Variants in PREP observed in about 807,000 individuals in gnomAD.
The protein encoded by PREP is dJ355L5.1 (prolyl endopeptidase).
A neutral mutation model predicts 87.6 loss-of-function variants in PREP; 29 were observed. That is an observed-to-expected ratio of 0.33 (90% CI 0.25 to 0.45). PREP has a LOEUF of 0.45. PREP is among the 20% of genes least tolerant of loss of function. PREP has a pLI of 1.00. For missense variants in PREP, 695 were observed against 886.5 expected (o/e 0.78, Z 2.74); for synonymous variants, 337 against 328.6 (o/e 1.03, Z -0.28).
At chr6:105,364,434 G>A (rs748919887) in intron 6 of PREP, among the ~76,000 whole-genome samples, 5 of 152,234 alleles carry the variant, frequency 3.3e-5, no homozygotes, top group East Asian at 3.8e-4. Context: ...GATGAGTCAC[G>A]AGGAGACAGC....
At chr6:105,389,733 T>A (rs1367329941) in intron 2 of PREP, among the ~76,000 whole-genome samples, 4 of 152,074 alleles carry the variant, frequency 2.6e-5, no homozygotes, top group African/African-American at 9.7e-5. Flanking sequence ...CTTGCCTAGC[T>A]CAGCACCAGT....
intron 5 of PREP, among the ~76,000 whole-genome samples, chr6:105,371,475 T>C (rs1356527995): frequency 1.8e-5 from 2 of 114,110 alleles, no homozygotes; most frequent in Non-Finnish European, 3.2e-5. Context: ...CACTCCAGCC[T>C]GGGTGACACA....
intron 2 of PREP, among the ~76,000 whole-genome samples, chr6:105,377,859 T>G (rs1184144595): frequency 6.6e-6 from 1 of 152,180 alleles, no homozygotes; most frequent in Non-Finnish European, 1.5e-5. Context: ...TTGGAGTGGT[T>G]AAAAAGTTGC....
At chr6:105,311,424 C>T (rs770479193) in intron 10 of PREP, among the ~76,000 whole-genome samples, 18 of 152,100 alleles carry the variant, frequency 1.2e-4, no homozygotes, top group Non-Finnish European at 2.2e-4. Flanking sequence ...TTTGCTTTAA[C>T]GTTCTGGGCC....
At chr6:105,377,726 T>G (rs766783342) in intron 2 of PREP, among the ~76,000 whole-genome samples, 1 of 152,232 alleles carries the variant, frequency 6.6e-6, no homozygotes, top group Non-Finnish European at 1.5e-5. Context: ...TAACAACCAA[T>G]GCTTACATGG....
At chr6:105,398,326 C>T (rs1297446438) in intron 1 of PREP, among the ~76,000 whole-genome samples, 3 of 152,204 alleles carry the variant, frequency 2.0e-5, no homozygotes, top group Admixed American at 1.3e-4. Flanking sequence ...CTAACACACA[C>T]GTGCTCATTC....
intron 6 of PREP, among the ~76,000 whole-genome samples, chr6:105,358,085 C>T (rs1772149393): frequency 6.6e-6 from 1 of 151,990 alleles, no homozygotes; most frequent in Admixed American, 6.6e-5. Context: ...TAAATTTGTG[C>T]TTTCATGGCT....
At chr6:105,321,750 A>G (rs1456299286) in intron 10 of PREP, among the ~76,000 whole-genome samples, 1 of 152,162 alleles carries the variant, frequency 6.6e-6, no homozygotes, top group East Asian at 1.9e-4. Context: ...CCAGACTCCA[A>G]AGGCAATTAT....
intron 1 of PREP, among the ~76,000 whole-genome samples, chr6:105,398,896 T>TC (rs1385429144): frequency 6.6e-6 from 1 of 152,010 alleles, no homozygotes; most frequent in Non-Finnish European, 1.5e-5. Context: ...TCACTTGAGG[T>TC]CAGGAGTTCA....
chr6:105,302,724 C>A, intron 10 of PREP: 2 of 510,252 alleles, frequency 3.9e-6, no homozygotes, highest in Non-Finnish European at 7.6e-6. Context: ...CTGTCAGTGG[C>A]GATGCGCAGC....
In PREP at chr6:105,276,650, T is replaced by C. The variant is rs900594877; in HGVS notation, c.*1494A>G. Among the ~76,000 whole-genome samples, 4 of 152,224 alleles carry C rather than the reference T, an allele frequency of 2.6e-5. No homozygotes were observed. Among genetic ancestry groups the C allele is most frequent in the African/African-American group, 9.6e-5 (4 of 41,458 alleles). On this transcript the variant is annotated 3_prime_UTR_variant, in exon 15 of 15. Transcript: ENST00000652536. ...GCACACTTTGTTTCCAGAGGAGTTA[T>C]GGTGAATCTTATACTCAATGACAAC...
chr6:105,299,013 A>G (rs986250211), intron 10 of PREP: 13 of 152,212 alleles, frequency 8.5e-5, no homozygotes, highest in African/African-American at 3.1e-4. Context: ...TCCCAAACCA[A>G]TAACATTAAG....
intron 10 of PREP, among the ~76,000 whole-genome samples, chr6:105,319,511 A>C (rs1180751364): frequency 1.3e-5 from 2 of 152,232 alleles, no homozygotes; most frequent in African/African-American, 4.8e-5. Flanking sequence ...TGCTACATTA[A>C]ATTCCTTTGT....
At chr6:105,354,601 G>T (rs1433432067) in intron 6 of PREP, among the ~76,000 whole-genome samples, 2 of 151,836 alleles carry the variant, frequency 1.3e-5, no homozygotes, top group African/African-American at 4.8e-5. Flanking sequence ...TAATGTGGGT[G>T]GGACTCATCC....
intron 2 of PREP, among the ~76,000 whole-genome samples, chr6:105,389,858 C>A (rs935702836): frequency 6.6e-6 from 1 of 152,164 alleles, no homozygotes; most frequent in African/African-American, 2.4e-5. Context: ...TCATGCTACA[C>A]ACTTTTAAGG....
chr6:105,344,191 A>C (rs1771738553), intron 7 of PREP, among the ~76,000 whole-genome samples: 2 of 152,238 alleles, frequency 1.3e-5, no homozygotes, highest in Non-Finnish European at 2.9e-5. Flanking sequence ...CTATGCAGCC[A>C]TAAAAAGGGA....
At chr6:105,353,972 G>C (rs1407139370) in intron 6 of PREP, among the ~76,000 whole-genome samples, 1 of 152,022 alleles carries the variant, frequency 6.6e-6, no homozygotes, top group Non-Finnish European at 1.5e-5. Context: ...ATGTTAGGTA[G>C]CAAAAAGAAT....
intron 7 of PREP, among the ~76,000 whole-genome samples, chr6:105,347,042 G>GA (rs148052379): frequency 0.056 from 8,295 of 148,862 alleles, 738 homozygotes; most frequent in African/African-American, 0.19. Context: ...GGAAGGTGCA[G>GA]AAAAAAAAAA....
chr6:105,361,242 T>C (rs922541279), intron 6 of PREP, among the ~76,000 whole-genome samples: 28 of 152,188 alleles, frequency 1.8e-4, no homozygotes, highest in African/African-American at 6.5e-4. Context: ...AATTTAACTA[T>C]GTATGAAGTA....
Sources: gnomAD v4.1 joint callset for allele counts (sites outside exome capture counted in the v4.1 genomes callset) on GRCh38, gnomAD v4.1.1 for gene constraint, MANE v1.5 for transcripts, NCBI Gene and HGNC (gene_info 2026-07-23, HGNC 2026-07-21) for gene names.